Variants in NHSL1 observed in about 807,000 individuals in gnomAD.
NHSL1 encodes the protein NHS-like protein 1.
Under a neutral mutation model 95.0 loss-of-function variants are expected in NHSL1, and 48 were observed. The observed-to-expected ratio is 0.51, with a 90% CI of 0.40 to 0.64. NHSL1 has a LOEUF of 0.64. Ranked by LOEUF, NHSL1 falls within the 30% of genes least tolerant of loss-of-function variation. The probability of loss-of-function intolerance (pLI) is 0.00; values close to 1 mark genes in which losing one functional copy is unlikely to be tolerated. For synonymous variants in NHSL1, 783 were observed against 833.9 expected, an observed-to-expected ratio of 0.94 and a Z score of 1.05; for missense variants, 1,971 against 2,077.7, an observed-to-expected ratio of 0.95 and a Z score of 1.00.
At chr6:138,502,084 G>C (rs559131336), upstream of NHSL1, among the ~76,000 whole-genome samples, 1 of 152,246 alleles carries the variant, frequency 6.6e-6, no homozygotes, top group Admixed American at 6.5e-5. Flanking sequence ...ACCTGGGGGA[G>C]AATGCAGGCT....
chr6:138,524,620 T>C (rs994775366), intron 1 of NHSL1, among the ~76,000 whole-genome samples: 5 of 152,156 alleles, frequency 3.3e-5, no homozygotes, highest in African/African-American at 1.2e-4. Flanking sequence ...AGTTTGGGGC[T>C]TTTAGGAATA....
At chr6:138,614,078 G>A (rs1248220442) in intron 1 of NHSL1, among the ~76,000 whole-genome samples, 1 of 152,204 alleles carries the variant, frequency 6.6e-6, no homozygotes, top group African/African-American at 2.4e-5. Flanking sequence ...TTGGGGGAAT[G>A]ATAACATGCT....
chr6:138,547,090 AATCT>A (rs1782828671), upstream of NHSL1, among the ~76,000 whole-genome samples: 1 of 152,174 alleles, frequency 6.6e-6, no homozygotes, highest in African/African-American at 2.4e-5. Flanking sequence ...TCACAGAACC[AATCT>A]ATCTATCTGT....
chr6:138,595,085 G>A (rs1294185780), intron 1 of NHSL1, among the ~76,000 whole-genome samples: 2 of 152,232 alleles, frequency 1.3e-5, no homozygotes, highest in South Asian at 4.1e-4. Flanking sequence ...CAAGCCTACT[G>A]TACAATATAC....
At chr6:138,643,867 G>A (rs1358843240) in intron 1 of NHSL1, among the ~76,000 whole-genome samples, 4 of 151,914 alleles carry the variant, frequency 2.6e-5, no homozygotes, top group African/African-American at 7.3e-5. Flanking sequence ...GCATGGTGAC[G>A]GGTGCCTGTA....
rs1394362907 is a variant in NHSL1, at chr6:138,431,798, G to A, written c.2547C>T (p.Ser849=). 6 of 1,551,596 alleles carry A rather than the reference G, an allele frequency of 3.9e-6. No individual in the cohort carries two copies. In the South Asian group the frequency reaches 4.8e-5, roughly 12 times the overall value. ...TATTCGACTGGCTGGAATACCCACT[G>A]GATGGAGAAATGACTCTGTGTGACT... ...PEKSHRVISP[S]SGYSSQSNTP... Residue 849 remains serine, a synonymous_variant, in exon 6 of 8, where the codon TCC becomes TCT. Coordinates refer to ENST00000343505, the MANE Select transcript of NHSL1 (RefSeq NM_001144060.2). This position sits in a 1 kb window ranked among gnomAD's most constrained non-coding sequence, Gnocchi z 4.0.
At chr6:138,644,323 A>T (rs1361856227) in intron 1 of NHSL1, among the ~76,000 whole-genome samples, 1 of 152,134 alleles carries the variant, frequency 6.6e-6, no homozygotes, top group African/African-American at 2.4e-5. Context: ...CAACATGGTG[A>T]AACCTGGTGT....
At position 138,626,893 on chromosome 6, in the gene NHSL1, C is replaced by CAAAAA. The variant is rs71009593; in HGVS notation, c.96+65578_96+65582dup. On this transcript the variant is annotated intron_variant, in intron 1 of 3. Coordinates refer to the NHSL1 transcript ENST00000491526. ...TGGGCGACAGAGCGAGACTCCGTCT[C>CAAAAA]AAAAAAAAAAAAAAAAAAAAAAAAA... 1.2e-3 allele frequency among the ~76,000 whole-genome samples: 9 copies of CAAAAA among 7,774 alleles called. 1 individual carries two copies. Among genetic ancestry groups the CAAAAA allele is most frequent in the African/African-American group, 3.0e-3 (7 of 2,324 alleles). 5.1% of individuals were successfully genotyped at this position (7,774 alleles called of 152,430 possible).
chr6:138,642,803 T>G (rs1784974052), intron 1 of NHSL1, among the ~76,000 whole-genome samples: 1 of 152,048 alleles, frequency 6.6e-6, no homozygotes, highest in Admixed American at 6.6e-5. Flanking sequence ...GACAGTGATG[T>G]AGGCACATGC....
intron 1 of NHSL1, among the ~76,000 whole-genome samples, chr6:138,610,699 T>G (rs553636350): frequency 6.6e-6 from 1 of 152,082 alleles, no homozygotes; most frequent in African/African-American, 2.4e-5. Flanking sequence ...TAGCTAGACC[T>G]GGGGCAATTG....
At chr6:138,666,658 A>G (rs1785299460) in intron 1 of NHSL1, among the ~76,000 whole-genome samples, 8 of 151,978 alleles carry the variant, frequency 5.3e-5, no homozygotes, top group Admixed American at 4.6e-4. Context: ...ACTGTGAGAC[A>G]TATTGTTAAA....
chr6:138,450,685 A>G (rs1325697963), intron 3 of NHSL1, among the ~76,000 whole-genome samples: 1 of 152,232 alleles, frequency 6.6e-6, no homozygotes, highest in Non-Finnish European at 1.5e-5. Flanking sequence ...CCATTTTGTA[A>G]AGTGCTCCTT....
At chr6:138,689,146 T>G (rs1453195845) in intron 1 of NHSL1, among the ~76,000 whole-genome samples, 1 of 152,220 alleles carries the variant, frequency 6.6e-6, no homozygotes, top group Admixed American at 6.5e-5. Context: ...TCACTAAGTA[T>G]TAATTCAATT....
At chr6:138,675,342 C>T (rs1785434405) in intron 1 of NHSL1, among the ~76,000 whole-genome samples, 1 of 152,072 alleles carries the variant, frequency 6.6e-6, no homozygotes, top group African/African-American at 2.4e-5. Context: ...ATCTTGCCAC[C>T]ATGATACCAC....
chr6:138,494,324 T>C (rs564352973), intron 2 of NHSL1, among the ~76,000 whole-genome samples: 64 of 152,352 alleles, frequency 4.2e-4, no homozygotes, highest in African/African-American at 1.4e-3. Flanking sequence ...AAAGGCAGTA[T>C]AGTGTAGCAG....
At position 138,431,420 on chromosome 6, in the gene NHSL1, C is replaced by T. The variant is rs983992489; in HGVS notation, c.2925G>A (p.Pro975=). Residue 975 remains proline (P), a synonymous_variant, in exon 6 of 8, where the codon CCG becomes CCA. Transcript: ENST00000343505. This position sits in a 1 kb window ranked among gnomAD's most constrained non-coding sequence, Gnocchi z 4.0. ...AGCAGAAAGGAATGAGAGCTTCTGG[C>T]GGCGGAGGGGGGAACACAGGAGAGT... ...LPHSPVFPPP[P]PEALIPFCSP... 14 of 1,547,496 alleles carry T rather than the reference C, an allele frequency of 9.0e-6. No homozygotes were observed. In the East Asian group the frequency reaches 2.0e-4, roughly 22 times the overall value.
chr6:138,583,435 A>G (rs1784089857), intron 1 of NHSL1, among the ~76,000 whole-genome samples: 1 of 152,166 alleles, frequency 6.6e-6, no homozygotes, highest in South Asian at 2.1e-4. Flanking sequence ...AAAGGCTCCA[A>G]AAACACCATT....
At chr6:138,506,253 G>C (rs1034196493) in intron 1 of NHSL1, among the ~76,000 whole-genome samples, 2 of 152,188 alleles carry the variant, frequency 1.3e-5, no homozygotes, top group African/African-American at 2.4e-5. Flanking sequence ...GTTAACTCTT[G>C]AAGGTAAGAA....
At chr6:138,626,389 T>C (rs889828449) in intron 1 of NHSL1, among the ~76,000 whole-genome samples, 2 of 152,218 alleles carry the variant, frequency 1.3e-5, no homozygotes, top group African/African-American at 4.8e-5. Context: ...ATAGGTTGAT[T>C]ATGTAGTCCA....
Sources: allele counts gnomAD v4.1 joint callset (sites outside exome capture counted in the v4.1 genomes callset), GRCh38; gene constraint gnomAD v4.1.1; non-coding constraint Gnocchi (gnomAD v3.1); transcripts MANE v1.5; gene names NCBI Gene and HGNC (gene_info 2026-07-23, HGNC 2026-07-21).